The following WDR70 variants were observed in gnomAD, a reference collection of about 807,000 sequenced individuals.
WDR70 encodes WD repeat domain 70, also known as WD repeat-containing protein 70.
In WDR70, 53 loss-of-function variants were observed where a neutral mutation model predicts 88.6. The ratio of observed to expected loss-of-function variants is 0.60; its 90% confidence interval spans 0.48 to 0.75. The LOEUF is 0.75. Ranked by LOEUF, WDR70 falls within the 30% of genes least tolerant of loss-of-function variation. WDR70 has a pLI of 0.00. For missense variants in WDR70, 610 were observed against 823.2 expected, an observed-to-expected ratio of 0.74 and a Z score of 3.17; for synonymous variants, 280 against 270.0, an observed-to-expected ratio of 1.04 and a Z score of -0.36.
Position 37,379,346 on chromosome 5 carries a change from G to A in WDR70, c.-22G>A, listed in dbSNP as rs1174723344. 1.2e-6 allele frequency: 2 copies of A among 1,613,590 alleles called. No homozygotes were observed. The highest frequency in any genetic ancestry group is 2.2e-5 in the South Asian group (2 of 91,064). ...GTTGTTTGGGCTGTCCCTGTGGCTGGTTCTGGGGTGTGCGGCCAGCCATGG... is the reference window on the plus strand; with the variant it reads ...GTTGTTTGGGCTGTCCCTGTGGCTGATTCTGGGGTGTGCGGCCAGCCATGG... On this transcript the variant is annotated 5_prime_UTR_variant, in exon 1 of 18. Transcript: ENST00000265107.
chr5:37,606,059 T>G (rs1314424258), intron 10 of WDR70, among the ~76,000 whole-genome samples: 1 of 152,182 alleles, frequency 6.6e-6, no homozygotes, highest in African/African-American at 2.4e-5. Flanking sequence ...CTGATAATAC[T>G]TATCAAAAAT....
chr5:37,513,949 C>T (rs1408134827), intron 8 of WDR70, among the ~76,000 whole-genome samples: 2 of 152,006 alleles, frequency 1.3e-5, no homozygotes, highest in Non-Finnish European at 2.9e-5. Flanking sequence ...CATTATTAAC[C>T]ATCACACTGT....
intron 10 of WDR70, among the ~76,000 whole-genome samples, chr5:37,621,381 C>T (rs1744500859): frequency 6.6e-6 from 1 of 151,966 alleles, no homozygotes; most frequent in African/African-American, 2.4e-5. Flanking sequence ...TTAGTGTATT[C>T]ACAGTGTTGC....
intron 17 of WDR70, 61 bp from the exon 18 acceptor site, chr5:37,752,425 T>C: frequency 2.2e-6 from 3 of 1,345,684 alleles, no homozygotes; most frequent in Non-Finnish European, 3.1e-6. Context: ...GGAAGCAAAA[T>C]CTAATGTAAC....
chr5:37,533,090 C>T lies in WDR70; in HGVS notation c.917+16500C>T, dbSNP rs537186996. ...CTTCAGGCTGGTACTGGGGTGTGTC[C>T]GCAAAGAGTCCTGTGATATGATTCA... On this transcript the variant is annotated intron_variant, in intron 9 of 17. Transcript: ENST00000265107. 5.9e-5 allele frequency among the ~76,000 whole-genome samples: 9 copies of T among 152,254 alleles called. No individual in the cohort carries two copies. The South Asian group carries it at 8.3e-4, about 14-fold the overall frequency.
intron 8 of WDR70, among the ~76,000 whole-genome samples, chr5:37,503,861 T>A (rs1200640888): frequency 1.3e-5 from 2 of 152,182 alleles, no homozygotes; most frequent in Non-Finnish European, 1.5e-5. Flanking sequence ...GGTTGTATGC[T>A]CCTAGGAATT....
At chr5:37,505,397 T>G (rs1263986289) in intron 8 of WDR70, among the ~76,000 whole-genome samples, 1 of 152,192 alleles carries the variant, frequency 6.6e-6, no homozygotes, top group Non-Finnish European at 1.5e-5. Context: ...GGTCTGGTAT[T>G]GAGTGGAACT....
Position 37,671,568 on chromosome 5 carries a change from A to G in WDR70, c.1093-26087A>G, listed in dbSNP as rs1746026493. The stretch of plus-strand genomic sequence containing the variant: ...TAGCCCTAGGACTAGTAATCTTTCT[A>G]TTAATATTTTCTCTATTTTCAGACA... On this transcript the variant is annotated intron_variant, in intron 10 of 17. Coordinates refer to ENST00000265107, the MANE Select transcript of WDR70 (RefSeq NM_018034.4). Among the ~76,000 whole-genome samples, 12 of 152,294 alleles carry G rather than the reference A, an allele frequency of 7.9e-5. No individual in the cohort carries two copies. The South Asian group carries it at 2.5e-3, about 32-fold the overall frequency.
chr5:37,562,875 A>G (rs1193057626), intron 9 of WDR70, among the ~76,000 whole-genome samples: 2 of 151,548 alleles, frequency 1.3e-5, no homozygotes, highest in African/African-American at 4.8e-5. Context: ...CAACCATTCG[A>G]TTTCTCAATC....
At chr5:37,433,315 C>T (rs1750370113) in intron 5 of WDR70, among the ~76,000 whole-genome samples, 1 of 152,148 alleles carries the variant, frequency 6.6e-6, no homozygotes, top group Non-Finnish European at 1.5e-5. Flanking sequence ...CCTACCTTGG[C>T]CTTACAAAGT....
At chr5:37,597,916 G>T (rs538510512) in intron 9 of WDR70, among the ~76,000 whole-genome samples, 1 of 152,292 alleles carries the variant, frequency 6.6e-6, no homozygotes, top group East Asian at 1.9e-4. Flanking sequence ...GCCTTACGCA[G>T]GGTGGTAGAC....
At position 37,499,587 on chromosome 5, in the gene WDR70, T is replaced by TTTTCTCTCTCTCTC. The variant is rs1554144047; in HGVS notation, c.841-16926_841-16925insTTCTCTCTCTCTCT. Reference sequence around the variant, plus strand: ...TTTTTAAATATGTGATTTGGAAATATTCTCTCTCTCTCTCTCTCTCTCTCT... The same window carrying TTTTCTCTCTCTCTC: ...TTTTTAAATATGTGATTTGGAAATATTTTCTCTCTCTCTCTCTCTCTCTCTCTCTCTCTCTCTCT... On this transcript the variant is annotated intron_variant, in intron 8 of 17. Transcript: ENST00000265107. Among the ~76,000 whole-genome samples, 207 of 41,840 alleles carry TTTTCTCTCTCTCTC rather than the reference T, an allele frequency of 4.9e-3. 7 individuals are homozygous for TTTTCTCTCTCTCTC. The highest frequency in any genetic ancestry group is 1.0e-2 in the South Asian group (8 of 802). The allele number at this position is 41,840 out of a possible 152,430, so 27.4% of individuals were successfully genotyped here.
intron 10 of WDR70, among the ~76,000 whole-genome samples, chr5:37,669,426 T>C (rs1430560980): frequency 3.3e-5 from 5 of 152,040 alleles, no homozygotes; most frequent in Admixed American, 3.3e-4. Flanking sequence ...TTTTGTTTTC[T>C]TTAGAGTCAG....
chr5:37,690,647 A>G (rs1746764300), intron 10 of WDR70, among the ~76,000 whole-genome samples: 1 of 152,250 alleles, frequency 6.6e-6, no homozygotes, highest in Admixed American at 6.5e-5. Context: ...TCCTTTACAG[A>G]CAAGCAAATG....
intron 5 of WDR70, among the ~76,000 whole-genome samples, chr5:37,424,074 G>A (rs1339861811): frequency 7.1e-6 from 1 of 140,494 alleles, no homozygotes; most frequent in Non-Finnish European, 1.5e-5. Flanking sequence ...GCTTGAACAC[G>A]AGAAGTGGAG....
intron 9 of WDR70, among the ~76,000 whole-genome samples, chr5:37,541,667 G>C (rs1172088050): frequency 6.6e-6 from 1 of 152,148 alleles, no homozygotes; most frequent in Non-Finnish European, 1.5e-5. Context: ...GGTGGGCATG[G>C]AGAAAGTGGA....
At chr5:37,649,720 G>A (rs955664105) in intron 10 of WDR70, among the ~76,000 whole-genome samples, 2 of 127,918 alleles carry the variant, frequency 1.6e-5, no homozygotes, top group Non-Finnish European at 1.6e-5. Flanking sequence ...ATACATTCAC[G>A]ATGTTATTAC....
intron 5 of WDR70, among the ~76,000 whole-genome samples, chr5:37,406,009 C>A (rs761703326): frequency 1.3e-5 from 2 of 152,110 alleles, no homozygotes; most frequent in Admixed American, 6.6e-5. Flanking sequence ...CATCACTGTA[C>A]TCCAGCCTGA....
intron 10 of WDR70, among the ~76,000 whole-genome samples, chr5:37,687,716 A>T (rs1746653669): frequency 6.6e-6 from 1 of 151,982 alleles, no homozygotes; most frequent in South Asian, 2.1e-4. Flanking sequence ...TTGTATCTAC[A>T]CTATCACCTG....
Sources: allele counts gnomAD v4.1 joint callset (sites outside exome capture counted in the v4.1 genomes callset), GRCh38; gene constraint gnomAD v4.1.1; transcripts MANE v1.5; gene names NCBI Gene and HGNC (gene_info 2026-07-23, HGNC 2026-07-21).